The following PTCH1 variants were observed in gnomAD, a reference collection of about 807,000 sequenced individuals.
PTCH1 encodes patched 1.
Under a neutral mutation model 144.6 loss-of-function variants are expected in PTCH1, and 14 were observed. The ratio of observed to expected loss-of-function variants is 0.10; its 90% CI spans 0.06 to 0.15. PTCH1 has a LOEUF of 0.15. PTCH1 is among the 10% of genes least tolerant of loss of function. The pLI, the probability that PTCH1 is intolerant of heterozygous loss-of-function variation, is 1.00. For missense variants in PTCH1, 1,623 were observed against 1,948.3 expected (o/e 0.83, Z 3.14); for synonymous variants, 833 against 793.6 (o/e 1.05, Z -0.83).
chr9:95,449,501 G>A lies in PTCH1; in HGVS notation c.3550-178C>T. 4 of 863,064 alleles carry A rather than the reference G, an allele frequency of 4.6e-6. No homozygotes were observed. The highest frequency in any genetic ancestry group is 7.2e-6 in the Non-Finnish European group (4 of 552,120). 53.5% of individuals were successfully genotyped at this position (863,064 alleles called of 1,614,324 possible). On this transcript the variant is annotated intron_variant, in intron 21 of 23. Transcript: ENST00000331920. The surrounding 1 kb of genome is among the most constrained non-coding windows in gnomAD (Gnocchi z 5.3). ...GGAGGACCTTCAGGTCCCGCAGCTG[G>A]AGCAGAAGAACTGTCCTCTGCTCCA... is the stretch of plus-strand genomic sequence containing the variant.
chr9:95,464,118 G>C (rs1471019630), intron 15 of PTCH1, among the ~76,000 whole-genome samples: 1 of 152,230 alleles, frequency 6.6e-6, no homozygotes, highest in East Asian at 1.9e-4. Flanking sequence ...TGGTCACTTA[G>C]GTGCCATTCA....
At chr9:95,490,625 A>G (rs1392633081) in intron 2 of PTCH1, among the ~76,000 whole-genome samples, 1 of 152,096 alleles carries the variant, frequency 6.6e-6, no homozygotes, top group Non-Finnish European at 1.5e-5. Context: ...TGCAAAAAAA[A>G]ATAGGCATCT....
At chr9:95,455,401 C>T (rs1838824010) in intron 19 of PTCH1, among the ~76,000 whole-genome samples, 1 of 152,214 alleles carries the variant, frequency 6.6e-6, no homozygotes, top group African/African-American at 2.4e-5. Flanking sequence ...GTGCTGGCTT[C>T]CTAGCTAGGG....
In PTCH1 at chr9:95,446,107, C is replaced by T. The variant is rs548588359; in HGVS notation, c.*286G>A. 8.5e-5 allele frequency: 20 copies of T among 235,016 alleles called. No homozygotes were observed. The highest frequency in any genetic ancestry group is 1.4e-4 in the Admixed American group (3 of 22,004). 14.6% of individuals were successfully genotyped at this position (235,016 alleles called of 1,614,324 possible). On this transcript the variant is annotated 3_prime_UTR_variant, in exon 24 of 24. Coordinates refer to ENST00000331920, the MANE Select transcript of PTCH1 (RefSeq NM_000264.5). ...TGGCACGGAGCCCAATGCACAAATA[C>T]GGAGAGGCCCCACTGTGGCCTCCAC...
upstream of PTCH1, among the ~76,000 whole-genome samples, chr9:95,510,816 C>T (rs1451565976): frequency 6.6e-6 from 1 of 151,274 alleles, no homozygotes; most frequent in Non-Finnish European, 1.5e-5. Context: ...GGCGGAGCTC[C>T]GGTGGCCACG....
At chr9:95,514,758 C>T (rs1373212724) in intron 1 of PTCH1, among the ~76,000 whole-genome samples, 1 of 152,054 alleles carries the variant, frequency 6.6e-6, no homozygotes, top group Non-Finnish European at 1.5e-5. Flanking sequence ...TGTAAAACAG[C>T]CTTTTTCTTT....
chr9:95,470,131 G>C (rs1185881990), intron 12 of PTCH1, among the ~76,000 whole-genome samples, 200 bp from the exon 13 acceptor site: 1 of 151,998 alleles, frequency 6.6e-6, no homozygotes, highest in Non-Finnish European at 1.5e-5. Flanking sequence ...ACTGTTTCTG[G>C]GCCTTTCTAT....
At chr9:95,461,048 T>C (rs891283939) in intron 16 of PTCH1, among the ~76,000 whole-genome samples, 18 of 152,178 alleles carry the variant, frequency 1.2e-4, no homozygotes, top group African/African-American at 3.9e-4. Flanking sequence ...GTTTTCTGCC[T>C]GAAGGTGAAG....
chr9:95,514,376 CCATT>C (rs1844275707), intron 1 of PTCH1: 1 of 152,204 alleles, frequency 6.6e-6, no homozygotes, highest in Non-Finnish European at 1.5e-5. Flanking sequence ...AGGAGGCACA[CCATT>C]CATTTCAGTG....
chr9:95,498,706 A>C (rs1296732736), intron 2 of PTCH1, among the ~76,000 whole-genome samples: 2 of 152,240 alleles, frequency 1.3e-5, no homozygotes, highest in African/African-American at 4.8e-5. Context: ...ACCCAAATTC[A>C]AAGATTAGAA....
intron 2 of PTCH1, among the ~76,000 whole-genome samples, chr9:95,490,558 A>ACACACACAC (rs1564069064): frequency 1.5e-5 from 2 of 129,522 alleles, no homozygotes; most frequent in African/African-American, 6.5e-5. Flanking sequence ...CACACACACA[A>ACACACACAC]AAGAAAGATA....
At chr9:95,477,337 C>T (rs551165772) in intron 10 of PTCH1, among the ~76,000 whole-genome samples, 1 of 152,184 alleles carries the variant, frequency 6.6e-6, no homozygotes, top group African/African-American at 2.4e-5. Flanking sequence ...CTCTACTAAC[C>T]AATAAGCCCA....
chr9:95,473,835 C>T (rs984574374), intron 12 of PTCH1, among the ~76,000 whole-genome samples: 7 of 152,186 alleles, frequency 4.6e-5, no homozygotes, highest in Non-Finnish European at 1.0e-4. Flanking sequence ...AGCCACCGTG[C>T]GAAGCACTCC....
chr9:95,508,895 G>T lies in PTCH1; in HGVS notation c.-534C>A, dbSNP rs530084228. The T allele has an allele frequency of 1.9e-4, 176 of 908,652 alleles. 2 individuals are homozygous for T. In the South Asian group the frequency reaches 7.5e-3, roughly 39 times the overall value. 56.3% of individuals were successfully genotyped at this position (908,652 alleles called of 1,614,324 possible). A position where few individuals can be genotyped will look rare whatever the true frequency, so the allele number is the denominator to read the frequency against. ...AGCGCAGAGCCGCCGCCGCCGCGGGGTCCGAGGGTGCCCGGCGGGTCTCAG... is the reference window on the plus strand; with the variant it reads ...AGCGCAGAGCCGCCGCCGCCGCGGGTTCCGAGGGTGCCCGGCGGGTCTCAG... On this transcript the variant is annotated 5_prime_UTR_variant, in exon 1 of 24. Transcript: ENST00000331920.
rs371358823 is a variant in PTCH1, at chr9:95,482,103, A to G, written c.654+31T>C. ...AAGGCACACTACTGGGGTGTTCCTGAGAAATTTTTGCCAACAAGAAGAAAA... is the reference window on the plus strand; with the variant it reads ...AAGGCACACTACTGGGGTGTTCCTGGGAAATTTTTGCCAACAAGAAGAAAA... On this transcript the variant is annotated intron_variant, in intron 4 of 23. Transcript: ENST00000331920. 3.1e-6 allele frequency: 5 copies of G among 1,613,000 alleles called. No individual in the cohort carries two copies. The African/African-American group carries it at 6.7e-5, about 21-fold the overall frequency.
At position 95,458,751 on chromosome 9, in the gene PTCH1, G is replaced by A. The variant is rs56399407; in HGVS notation, c.2888-458C>T. 1.3e-5 allele frequency among the ~76,000 whole-genome samples: 2 copies of A among 152,236 alleles called. No homozygotes were observed. Among genetic ancestry groups the A allele is most frequent in the Non-Finnish European group, 1.5e-5 (1 of 68,038 alleles). On this transcript the variant is annotated intron_variant, in intron 17 of 23. Coordinates refer to ENST00000331920, the MANE Select transcript of PTCH1 (RefSeq NM_000264.5). This position sits in a 1 kb window ranked among gnomAD's most constrained non-coding sequence, Gnocchi z 4.7. ...TGCTTCTTTTCTAATGCAATGCTAA[G>A]TCTTCAGCAACAGGGGAAGAAATCC...
At chr9:95,466,505 T>C (rs1840013207) in intron 15 of PTCH1, among the ~76,000 whole-genome samples, 1 of 152,186 alleles carries the variant, frequency 6.6e-6, no homozygotes, top group South Asian at 2.1e-4. Context: ...GTTCATCAGC[T>C]GTAACAAATG....
intron 1 of PTCH1, 61 bp downstream of exon 1, chr9:95,508,100 G>A: frequency 1.2e-6 from 2 of 1,602,242 alleles, no homozygotes; most frequent in Non-Finnish European, 1.7e-6. Flanking sequence ...TGTGTGGCGG[G>A]GGCGATCCCA....
At chr9:95,446,745 G>A in intron 23 of PTCH1, 166 bp downstream of exon 23, 2 of 860,818 alleles carry the variant, frequency 2.3e-6, no homozygotes, top group Non-Finnish European at 3.7e-6. Flanking sequence ...GGATGACAAA[G>A]CTTGGACACA....
Sources: gnomAD v4.1 joint callset for allele counts (sites outside exome capture counted in the v4.1 genomes callset) on GRCh38, gnomAD v4.1.1 for gene constraint, Gnocchi (gnomAD v3.1) non-coding constraint, MANE v1.5 for transcripts, NCBI Gene and HGNC (gene_info 2026-07-23, HGNC 2026-07-21) for gene names.